Variants in TMPRSS11A observed in about 807,000 individuals in gnomAD.
TMPRSS11A encodes the protein transmembrane protease serine 11A.
Under a neutral mutation model 58.9 loss-of-function variants are expected in TMPRSS11A, and 53 were observed. The ratio of observed to expected loss-of-function variants is 0.90; its 90% CI spans 0.72 to 1.13. The LOEUF (loss-of-function observed/expected upper bound fraction) is 1.13, where lower values mean the gene tolerates loss of function less well. Among genes scored for constraint, TMPRSS11A ranks in the 50% most tolerant of loss-of-function variants. The pLI is 0.00. For missense variants in TMPRSS11A, 493 were observed against 499.3 expected, an observed-to-expected ratio of 0.99 and a Z score of 0.12; for synonymous variants, 167 against 169.8, an observed-to-expected ratio of 0.98 and a Z score of 0.13.
intron 8 of TMPRSS11A, among the ~76,000 whole-genome samples, chr4:67,917,943 C>T (rs1720203965): frequency 6.6e-6 from 1 of 152,202 alleles, no homozygotes; most frequent in East Asian, 1.9e-4. Flanking sequence ...GTAATACAAC[C>T]TTAAAGAAAG....
intron 5 of TMPRSS11A, among the ~76,000 whole-genome samples, chr4:67,928,644 G>C (rs2109746590): frequency 6.6e-6 from 1 of 152,328 alleles, no homozygotes; most frequent in African/African-American, 2.4e-5. Context: ...TTAAGCACTT[G>C]TCAGGTTCCT....
intron 4 of TMPRSS11A, 98 bp from the exon 5 acceptor site, chr4:67,930,138 G>T: frequency 8.9e-7 from 1 of 1,122,694 alleles, no homozygotes; most frequent in South Asian, 1.8e-5. Context: ...TCCCTCAGTT[G>T]CTGAGAGTGT....
intron 5 of TMPRSS11A, among the ~76,000 whole-genome samples, chr4:67,926,576 CA>C (rs1319491794): frequency 6.6e-6 from 1 of 152,216 alleles, no homozygotes; most frequent in African/African-American, 2.4e-5. Context: ...CTCACGTGAC[CA>C]GGCAGGACCT....
chr4:67,956,359 C>G (rs1721288784), intron 1 of TMPRSS11A, among the ~76,000 whole-genome samples: 1 of 152,168 alleles, frequency 6.6e-6, no homozygotes, highest in Non-Finnish European at 1.5e-5. Flanking sequence ...GTAAACAGAT[C>G]ACCTTGATAA....
chr4:67,915,416 T>A (rs1720120019), intron 8 of TMPRSS11A, among the ~76,000 whole-genome samples: 1 of 152,122 alleles, frequency 6.6e-6, no homozygotes, highest in Admixed American at 6.5e-5. Flanking sequence ...TTGGCAGAAT[T>A]CTAGGATAGT....
Position 67,932,008 on chromosome 4 carries a change from T to A in TMPRSS11A, c.305A>T (p.Gln102Leu), listed in dbSNP as rs745890637. ...SAWKKNYIKN[Q>L]VVRLTPEEDG... The stretch of plus-strand genomic sequence containing the variant: ...ACATACATACGTCAGTCTGACTACT[T>A]GGTTCTTGATATAATTTTTCTTCCA... The change falls in exon 4 of 10, where the codon CAA becomes CTA. Residue 102 changes from glutamine to leucine, a missense_variant. By Grantham distance (113) the Gln-to-Leu change is moderately radical. Transcript: ENST00000508048. The A allele has an allele frequency of 1.2e-5, 19 of 1,603,178 alleles. No homozygotes were observed. Among genetic ancestry groups the A allele is most frequent in the Non-Finnish European group, 4.3e-6 (5 of 1,170,468 alleles).
intron 7 of TMPRSS11A, 57 bp downstream of exon 7, chr4:67,922,698 G>T: frequency 2.0e-6 from 3 of 1,521,996 alleles, no homozygotes; most frequent in South Asian, 1.2e-5. Context: ...CCAAGAATAT[G>T]ACAAAACTCA....
intron 1 of TMPRSS11A, among the ~76,000 whole-genome samples, chr4:67,948,319 C>T (rs920877818): frequency 1.1e-4 from 17 of 151,682 alleles, no homozygotes; most frequent in African/African-American, 2.9e-4. Context: ...CCACCACGCC[C>T]GGCTAATTTT....
intron 9 of TMPRSS11A, among the ~76,000 whole-genome samples, chr4:67,913,971 G>A (rs1720074193): frequency 6.6e-6 from 1 of 152,204 alleles, no homozygotes; most frequent in Non-Finnish European, 1.5e-5. Context: ...GCACTGGGGA[G>A]GGCCCATGGA....
chr4:67,932,654 C>T (rs1330042966), intron 3 of TMPRSS11A, among the ~76,000 whole-genome samples: 1 of 152,086 alleles, frequency 6.6e-6, no homozygotes, highest in Non-Finnish European at 1.5e-5. Flanking sequence ...GGTCCTCTAG[C>T]CTCCATCCTG....
chr4:67,930,078 A>AAC, intron 4 of TMPRSS11A, 38 bp from the exon 5 acceptor site: 1 of 1,578,718 alleles, frequency 6.3e-7, no homozygotes, highest in East Asian at 2.3e-5. Flanking sequence ...TTCAAAGAAT[A>AAC]CACCTGGAAT....
chr4:67,929,052 T>C lies in TMPRSS11A; in HGVS notation c.481+828A>G, dbSNP rs17088775. Among the ~76,000 whole-genome samples, 1,340 of 152,340 alleles carry C rather than the reference T, an allele frequency of 8.8e-3. 16 individuals carry two copies. The highest frequency in any genetic ancestry group is 0.03 in the African/African-American group (1,253 of 41,574). On this transcript the variant is annotated intron_variant, in intron 5 of 9. Transcript: ENST00000508048. ...TATCAAAGCCAGAATTTTTAAGATG[T>C]GTTTGACTATAGAAACCTTTTTTAA... is the stretch of plus-strand genomic sequence containing the variant.
intron 1 of TMPRSS11A, among the ~76,000 whole-genome samples, chr4:67,956,982 A>G (rs1463756756): frequency 6.6e-6 from 1 of 152,074 alleles, no homozygotes; most frequent in African/African-American, 2.4e-5. Context: ...GTCTCATGAG[A>G]TCTGATGGTT....
At chr4:67,937,387 A>C (rs751572353) in intron 3 of TMPRSS11A, among the ~76,000 whole-genome samples, 1 of 152,206 alleles carries the variant, frequency 6.6e-6, no homozygotes, top group Non-Finnish European at 1.5e-5. Flanking sequence ...TTTTTCTCTA[A>C]TAAGTATACC....
In TMPRSS11A at chr4:67,943,314, A is replaced by G. The variant is rs148399011; in HGVS notation, c.252+1205T>C. Reference sequence around the variant, plus strand: ...GACAGAATTGCTTAGTTAACTTACAACAACAACAGTAGCAGTAATGTTGGC... The same window carrying G: ...GACAGAATTGCTTAGTTAACTTACAGCAACAACAGTAGCAGTAATGTTGGC... On this transcript the variant is annotated intron_variant, in intron 3 of 9. Coordinates refer to ENST00000508048, the MANE Select transcript of TMPRSS11A (RefSeq NM_001114387.2). 2.3e-3 allele frequency among the ~76,000 whole-genome samples: 354 copies of G among 152,326 alleles called. 3 individuals are homozygous for G. Among genetic ancestry groups the G allele is most frequent in the African/African-American group, 8.0e-3 (332 of 41,580 alleles).
intron 1 of TMPRSS11A, among the ~76,000 whole-genome samples, chr4:67,954,790 G>A (rs1316529490): frequency 6.6e-6 from 1 of 152,150 alleles, no homozygotes; most frequent in Non-Finnish European, 1.5e-5. Flanking sequence ...CCACTTGGTA[G>A]CTTTGCAATG....
chr4:67,918,280 A>G (rs558523543), intron 8 of TMPRSS11A, among the ~76,000 whole-genome samples: 105 of 152,354 alleles, frequency 6.9e-4, no homozygotes, highest in African/African-American at 2.4e-3. Context: ...AAGATTGCCT[A>G]GAACATTCAG....
At chr4:67,949,623 C>T (rs1415738024) in intron 1 of TMPRSS11A, among the ~76,000 whole-genome samples, 1 of 152,194 alleles carries the variant, frequency 6.6e-6, no homozygotes, top group Non-Finnish European at 1.5e-5. Flanking sequence ...CTTTAGGAGG[C>T]TGAAGTGGGC....
intron 3 of TMPRSS11A, among the ~76,000 whole-genome samples, chr4:67,934,968 C>T (rs779299330): frequency 2.0e-5 from 3 of 151,980 alleles, no homozygotes; most frequent in South Asian, 2.1e-4. Context: ...TTTTTTCCAA[C>T]GTAACACCAG....
Sources: gnomAD v4.1 joint callset for allele counts (sites outside exome capture counted in the v4.1 genomes callset) on GRCh38, gnomAD v4.1.1 for gene constraint, MANE v1.5 for transcripts, NCBI Gene and HGNC (gene_info 2026-07-23, HGNC 2026-07-21) for gene names.